Variants in VRK1 observed in about 807,000 individuals in gnomAD.
VRK1 encodes the protein VRK serine/threonine kinase 1.
Under a neutral mutation model 57.1 loss-of-function variants are expected in VRK1, and 33 were observed. That is an observed-to-expected ratio of 0.58 (90% CI 0.44 to 0.77). The LOEUF is 0.77. VRK1 is among the 30% of genes least tolerant of loss of function. VRK1 has a pLI of 0.00. For missense variants in VRK1, 413 were observed against 477.3 expected (o/e 0.87, Z 1.25); for synonymous variants, 137 against 147.8 (o/e 0.93, Z 0.53).
chr14:96,847,366 C>T lies in VRK1; in HGVS notation c.374+22C>T, dbSNP rs761519350. ...AAAGGTAAAAATATGTGTGATTTGT[C>T]TTTCTCCTTCCCTTTTGCAACATTC... On this transcript the variant is annotated intron_variant, in intron 5 of 12. Transcript: ENST00000216639. The T allele has an allele frequency of 3.2e-6, 5 of 1,584,298 alleles. No homozygotes were observed. In the African/African-American group the frequency reaches 6.7e-5, roughly 21 times the overall value.
intron 1 of VRK1, among the ~76,000 whole-genome samples, chr14:96,827,912 A>G (rs1351245106): frequency 1.3e-5 from 2 of 152,170 alleles, no homozygotes; most frequent in East Asian, 3.9e-4. Context: ...ACATGAACCA[A>G]TTGTTTAAAC....
At chr14:96,815,887 GAA>G (rs941971168) in intron 1 of VRK1, among the ~76,000 whole-genome samples, 2 of 142,216 alleles carry the variant, frequency 1.4e-5, no homozygotes. Flanking sequence ...ACCCTGTCTG[GAA>G]AAAAAAAAAA....
Position 96,856,597 on chromosome 14 carries a change from A to T in VRK1, c.889+11A>T. The T allele has an allele frequency of 6.2e-7, 1 of 1,610,838 alleles. No individual in the cohort carries two copies. Among genetic ancestry groups the T allele is most frequent in the African/African-American group, 1.3e-5 (1 of 74,994 alleles). On this transcript the variant is annotated intron_variant, in intron 10 of 12. Transcript: ENST00000216639. ...AGAAAAACAAACCAGGTAGGAAATG[A>T]CTTCTTCAGTGTTAATAGGGATTTT...
At chr14:96,850,225 T>A (rs1417025710) in intron 5 of VRK1, among the ~76,000 whole-genome samples, 3 of 152,244 alleles carry the variant, frequency 2.0e-5, no homozygotes, top group Non-Finnish European at 2.9e-5. Flanking sequence ...AGTAGATTAT[T>A]CTTCCAGCCC....
intron 1 of VRK1, among the ~76,000 whole-genome samples, chr14:96,827,041 A>C (rs900413921): frequency 6.6e-6 from 1 of 152,114 alleles, no homozygotes; most frequent in Non-Finnish European, 1.5e-5. Context: ...AGAAAGGGGC[A>C]CACCCTGAGA....
chr14:96,856,434 A>T, intron 9 of VRK1, 94 bp from the exon 10 acceptor site: 5 of 1,362,802 alleles, frequency 3.7e-6, no homozygotes, highest in South Asian at 1.2e-5. Context: ...CATATTTAGG[A>T]TGTAGCACAA....
chr14:96,875,627 C>A (rs945331489), intron 11 of VRK1, among the ~76,000 whole-genome samples: 1 of 152,164 alleles, frequency 6.6e-6, no homozygotes, highest in African/African-American at 2.4e-5. Context: ...CTCCACCCCA[C>A]CCATGTTGTA....
chr14:96,845,892 A>G (rs1887665412), intron 3 of VRK1, among the ~76,000 whole-genome samples: 1 of 152,200 alleles, frequency 6.6e-6, no homozygotes, highest in African/African-American at 2.4e-5. Context: ...ATAGAAATGG[A>G]ACTTGAGCAA....
chr14:96,836,135 A>G (rs1229943214), intron 2 of VRK1, among the ~76,000 whole-genome samples: 1 of 151,972 alleles, frequency 6.6e-6, no homozygotes, highest in African/African-American at 2.4e-5. Context: ...AAATTTTTTT[A>G]ATATATTTTA....
chr14:96,832,802 G>A (rs1001889061), intron 1 of VRK1, among the ~76,000 whole-genome samples: 4 of 151,698 alleles, frequency 2.6e-5, no homozygotes, highest in African/African-American at 4.9e-5. Flanking sequence ...CTTGAAAGTT[G>A]TGCTCCTTCC....
intron 1 of VRK1, among the ~76,000 whole-genome samples, chr14:96,809,418 G>A (rs1179762162): frequency 1.3e-5 from 2 of 151,996 alleles, no homozygotes; most frequent in Non-Finnish European, 2.9e-5. Context: ...CTATTTTGAG[G>A]CAATTATGAA....
chr14:96,870,994 A>G (rs1287336003), intron 11 of VRK1, among the ~76,000 whole-genome samples: 1 of 152,204 alleles, frequency 6.6e-6, no homozygotes, highest in Non-Finnish European at 1.5e-5. Context: ...CGCATGGAGC[A>G]ATCAACCCTG....
chr14:96,815,191 A>G (rs1886345471), intron 1 of VRK1, among the ~76,000 whole-genome samples: 1 of 152,186 alleles, frequency 6.6e-6, no homozygotes, highest in Admixed American at 6.5e-5. Flanking sequence ...TTTTAATTGT[A>G]AATTAAGTCT....
chr14:96,847,766 C>G (rs997565978), intron 5 of VRK1, among the ~76,000 whole-genome samples: 2 of 152,176 alleles, frequency 1.3e-5, no homozygotes, highest in African/African-American at 4.8e-5. Flanking sequence ...ACATAATCTG[C>G]CCACACAAGA....
At chr14:96,853,437 G>A (rs1164982718) in intron 7 of VRK1, among the ~76,000 whole-genome samples, 3 of 152,054 alleles carry the variant, frequency 2.0e-5, no homozygotes, top group Non-Finnish European at 4.4e-5. Context: ...GGGGGTGGAA[G>A]CTTAAAATTA....
chr14:96,798,885 TTAAG>T, intron 1 of VRK1, among the ~76,000 whole-genome samples: 1 of 152,364 alleles, frequency 6.6e-6, no homozygotes, highest in South Asian at 2.1e-4. Flanking sequence ...GGAATGTAAC[TTAAG>T]TAGTCACTTA....
intron 10 of VRK1, among the ~76,000 whole-genome samples, chr14:96,857,358 A>G (rs755302572): frequency 1.3e-4 from 20 of 152,202 alleles, no homozygotes; most frequent in Admixed American, 4.6e-4. Context: ...ACATTTGAGC[A>G]GTTGTAGGAA....
At chr14:96,847,420 T>A in intron 5 of VRK1, 76 bp downstream of exon 5, 16 of 1,165,494 alleles carry the variant, frequency 1.4e-5, no homozygotes, top group Non-Finnish European at 2.1e-5. Flanking sequence ...TCAGTAATTA[T>A]TTACTGATCA....
At chr14:96,835,569 A>G (rs548297388) in intron 2 of VRK1, among the ~76,000 whole-genome samples, 16 of 152,284 alleles carry the variant, frequency 1.1e-4, no homozygotes, top group African/African-American at 2.9e-4. Flanking sequence ...CCACTGGCCT[A>G]TAAGGGATCT....
Sources: gnomAD v4.1 joint callset for allele counts (sites outside exome capture counted in the v4.1 genomes callset) on GRCh38, gnomAD v4.1.1 for gene constraint, MANE v1.5 for transcripts, NCBI Gene and HGNC (gene_info 2026-07-23, HGNC 2026-07-21) for gene names.